The following ZNF277 variants were observed in gnomAD, a reference collection of about 807,000 sequenced individuals.
ZNF277 encodes the protein nuclear receptor-interacting factor 4.
ZNF277 carries 55 observed loss-of-function variants against 60.7 expected under a neutral mutation model. The observed-to-expected ratio is 0.91, with a 90% CI of 0.73 to 1.13. The LOEUF (loss-of-function observed/expected upper bound fraction) is 1.13. Among genes scored for constraint, ZNF277 ranks in the 50% most tolerant of loss-of-function variants. ZNF277 has a pLI of 0.00. For missense variants in ZNF277, 510 were observed against 523.0 expected (o/e 0.98, Z 0.24); for synonymous variants, 178 against 179.3 (o/e 0.99, Z 0.06).
At chr7:112,219,990 A>T (rs1037124835) in intron 1 of ZNF277, among the ~76,000 whole-genome samples, 3 of 152,186 alleles carry the variant, frequency 2.0e-5, no homozygotes, top group African/African-American at 7.2e-5. Flanking sequence ...AGGTAGAGTG[A>T]TGCCTCCAGT....
chr7:112,210,499 T>A (rs1366796301), intron 1 of ZNF277, among the ~76,000 whole-genome samples: 1 of 148,628 alleles, frequency 6.7e-6, no homozygotes, highest in African/African-American at 2.5e-5. Context: ...TGAGACAGAG[T>A]CCTGCTCTGT....
intron 4 of ZNF277, among the ~76,000 whole-genome samples, chr7:112,306,275 C>T (rs559852743): frequency 4.1e-5 from 6 of 144,712 alleles, no homozygotes; most frequent in South Asian, 2.2e-4. Context: ...AATGCAATGG[C>T]GCAATTTCAG....
chr7:112,280,631 C>CT (rs569905324), intron 1 of ZNF277, among the ~76,000 whole-genome samples: 11,569 of 145,884 alleles, frequency 0.079, 608 homozygotes, highest in African/African-American at 0.15. Context: ...TATCTATTGT[C>CT]TTTTTTTTTT....
At chr7:112,286,560 C>T (rs557197639) in intron 1 of ZNF277, among the ~76,000 whole-genome samples, 7 of 152,254 alleles carry the variant, frequency 4.6e-5, no homozygotes, top group African/African-American at 1.7e-4. Context: ...GCAAGTACCC[C>T]GGGAATTGCT....
chr7:112,279,678 G>A (rs2117050449), intron 1 of ZNF277, among the ~76,000 whole-genome samples: 1 of 152,204 alleles, frequency 6.6e-6, no homozygotes, highest in South Asian at 2.1e-4. Context: ...AAAAGGTAAG[G>A]AGCCTACTGT....
intron 9 of ZNF277, among the ~76,000 whole-genome samples, chr7:112,338,533 G>A (rs1053306518): frequency 9.2e-5 from 14 of 152,022 alleles, no homozygotes; most frequent in Admixed American, 5.2e-4. Context: ...ATATCTCTCC[G>A]TCCCCTCCCT....
intron 10 of ZNF277, 27 bp from the exon 11 acceptor site, chr7:112,340,845 A>G (rs748579638): frequency 2.5e-6 from 4 of 1,602,610 alleles, no homozygotes; most frequent in African/African-American, 2.7e-5. Flanking sequence ...ACAGTTGTCT[A>G]ATGATTCTGT....
At chr7:112,210,161 T>A (rs1336300956) in intron 1 of ZNF277, among the ~76,000 whole-genome samples, 1 of 152,204 alleles carries the variant, frequency 6.6e-6, no homozygotes, top group African/African-American at 2.4e-5. Context: ...ATAAAATTTT[T>A]AAAAAACATA....
At chr7:112,324,404 T>TA (rs1409744057) in intron 5 of ZNF277, among the ~76,000 whole-genome samples, 2 of 152,220 alleles carry the variant, frequency 1.3e-5, no homozygotes, top group Non-Finnish European at 2.9e-5. Flanking sequence ...TTTAAACTGT[T>TA]ATGCATTTAA....
At chr7:112,272,044 T>G (rs1037181728) in intron 1 of ZNF277, among the ~76,000 whole-genome samples, 1 of 152,192 alleles carries the variant, frequency 6.6e-6, no homozygotes, top group Non-Finnish European at 1.5e-5. Flanking sequence ...TTATTTAATC[T>G]AACTATAATT....
chr7:112,340,007 G>A, intron 10 of ZNF277, 122 bp downstream of exon 10: 1 of 880,674 alleles, frequency 1.1e-6, no homozygotes, highest in South Asian at 1.5e-5. Flanking sequence ...TCTCTCTATA[G>A]ATGGTCTTGA....
At chr7:112,336,199 TTGC>T (rs1406239275) in intron 8 of ZNF277, 28 bp downstream of exon 8, 1 of 1,587,144 alleles carries the variant, frequency 6.3e-7, no homozygotes, top group Non-Finnish European at 8.6e-7. Flanking sequence ...TGCTAATTAA[TTGC>T]AGTGTTCCAA....
chr7:112,210,314 C>G (rs566684415), intron 1 of ZNF277, among the ~76,000 whole-genome samples: 1 of 152,198 alleles, frequency 6.6e-6, no homozygotes, highest in South Asian at 2.1e-4. Flanking sequence ...TCCTCAAAAT[C>G]TCTGCTAGAG....
chr7:112,250,375 G>A (rs936139104), intron 1 of ZNF277, among the ~76,000 whole-genome samples: 3 of 152,146 alleles, frequency 2.0e-5, no homozygotes, highest in Non-Finnish European at 2.9e-5. Context: ...CGGTCCTGTG[G>A]TCCTGTGATC....
chr7:112,253,897 T>A (rs1421603815), intron 1 of ZNF277, among the ~76,000 whole-genome samples: 1 of 152,208 alleles, frequency 6.6e-6, no homozygotes, highest in African/African-American at 2.4e-5. Flanking sequence ...AAAGTTCTTT[T>A]ATCATCATTA....
At chr7:112,247,509 G>A (rs1791111345) in intron 1 of ZNF277, among the ~76,000 whole-genome samples, 1 of 152,172 alleles carries the variant, frequency 6.6e-6, no homozygotes, top group African/African-American at 2.4e-5. Context: ...AAGCTAGAAT[G>A]TTTTGGAAAT....
intron 1 of ZNF277, among the ~76,000 whole-genome samples, chr7:112,234,430 T>A (rs1822430780): frequency 6.6e-6 from 1 of 152,154 alleles, no homozygotes; most frequent in Non-Finnish European, 1.5e-5. Flanking sequence ...ACAAGGCAGC[T>A]CTATGGGGAC....
intron 4 of ZNF277, among the ~76,000 whole-genome samples, chr7:112,297,216 T>C (rs1584388881): frequency 6.6e-6 from 1 of 151,922 alleles, no homozygotes. Flanking sequence ...CGGGAGCCAC[T>C]GCACCCGGCT....
chr7:112,228,425 A>AT (rs2116973210), intron 1 of ZNF277, among the ~76,000 whole-genome samples: 1 of 134,452 alleles, frequency 7.4e-6, no homozygotes, highest in African/African-American at 2.7e-5. Flanking sequence ...GCACAGGTGA[A>AT]TGCATGTTCT....
Sources: allele counts gnomAD v4.1 joint callset (sites outside exome capture counted in the v4.1 genomes callset), GRCh38; gene constraint gnomAD v4.1.1; transcripts MANE v1.5; gene names NCBI Gene and HGNC (gene_info 2026-07-23, HGNC 2026-07-21).